Variants in TMTC1 observed in about 807,000 individuals in gnomAD.
TMTC1 encodes protein O-mannosyl-transferase TMTC1.
In TMTC1, 73 loss-of-function variants were observed where a neutral mutation model predicts 104.8. The ratio of observed to expected loss-of-function variants is 0.70; its 90% CI spans 0.58 to 0.85. TMTC1 has a LOEUF of 0.85. TMTC1 is among the 40% of genes least tolerant of loss of function. TMTC1 has a pLI of 0.00. For synonymous variants in TMTC1, 434 were observed against 428.7 expected (o/e 1.01, Z -0.15); for missense variants, 1,035 against 1,096.1 (o/e 0.94, Z 0.79).
chr12:29,681,668 C>T (rs1457645791), intron 5 of TMTC1, among the ~76,000 whole-genome samples: 5 of 151,830 alleles, frequency 3.3e-5, no homozygotes, highest in Non-Finnish European at 7.4e-5. Flanking sequence ...GCCCCTCCCC[C>T]TCCCACCCCC....
At chr12:29,732,704 T>G (rs1389045600) in intron 5 of TMTC1, among the ~76,000 whole-genome samples, 1 of 151,972 alleles carries the variant, frequency 6.6e-6, no homozygotes, top group Non-Finnish European at 1.5e-5. Context: ...TTATTAGCCA[T>G]GCTGAGGGGT....
intron 5 of TMTC1, among the ~76,000 whole-genome samples, chr12:29,670,530 G>T (rs146208588): frequency 1.3e-5 from 2 of 152,196 alleles, no homozygotes; most frequent in African/African-American, 2.4e-5. Context: ...TACCTCTCAC[G>T]GCATTTCCAA....
chr12:29,682,297 C>T (rs1490964373), intron 5 of TMTC1, among the ~76,000 whole-genome samples: 3 of 152,092 alleles, frequency 2.0e-5, no homozygotes, highest in East Asian at 1.9e-4. Context: ...CCTATATTAC[C>T]GTGAGTCACT....
At chr12:29,762,053 C>T (rs1171019637) in intron 2 of TMTC1, among the ~76,000 whole-genome samples, 1 of 152,078 alleles carries the variant, frequency 6.6e-6, no homozygotes, top group Admixed American at 6.5e-5. Flanking sequence ...CGGGTGTGCA[C>T]CTGTGGTCCC....
chr12:29,539,378 AATGCCTTG>A (rs1944731381), intron 10 of TMTC1, among the ~76,000 whole-genome samples: 1 of 151,862 alleles, frequency 6.6e-6, no homozygotes, highest in Non-Finnish European at 1.5e-5. Context: ...TTCGCTTGCT[AATGCCTTG>A]GTTCACACAT....
intron 5 of TMTC1, among the ~76,000 whole-genome samples, chr12:29,696,315 G>C (rs1404547900): frequency 6.6e-6 from 1 of 152,026 alleles, no homozygotes; most frequent in Non-Finnish European, 1.5e-5. Context: ...GGAAACAAAA[G>C]AATAATGTAT....
At chr12:29,508,507 A>G (rs1248237514) in intron 17 of TMTC1, among the ~76,000 whole-genome samples, 2 of 152,100 alleles carry the variant, frequency 1.3e-5, no homozygotes, top group African/African-American at 4.8e-5. Flanking sequence ...TTATTCTCTG[A>G]TCACCAGGCT....
At chr12:29,654,112 C>T (rs1214182166) in intron 5 of TMTC1, among the ~76,000 whole-genome samples, 5 of 152,062 alleles carry the variant, frequency 3.3e-5, no homozygotes, top group African/African-American at 4.8e-5. Flanking sequence ...AAATAAAAAA[C>T]TTACATGCTT....
intron 12 of TMTC1, chr12:29,519,212 AC>A (rs1252930196): frequency 6.6e-6 from 1 of 151,716 alleles, no homozygotes; most frequent in African/African-American, 2.4e-5. Context: ...ATTTTTAAAT[AC>A]TTACATTTGT....
intron 7 of TMTC1, among the ~76,000 whole-genome samples, chr12:29,591,616 C>T (rs1382813111): frequency 6.6e-6 from 1 of 152,206 alleles, no homozygotes; most frequent in African/African-American, 2.4e-5. Flanking sequence ...ATCTGACACT[C>T]AGAGACACCT....
At position 29,783,699 on chromosome 12, in the gene TMTC1, C is replaced by T. The variant is rs778881609; in HGVS notation, c.53G>A (p.Arg18Gln). The T allele has an allele frequency of 4.0e-6, 5 of 1,260,018 alleles. No individual in the cohort carries two copies. In the South Asian group the frequency reaches 9.5e-5, roughly 24 times the overall value. The allele number at this position is 1,260,018 out of a possible 1,614,324, so 78.1% of individuals were successfully genotyped here. A position where few individuals can be genotyped will look rare whatever the true frequency, so the allele number is the denominator to read the frequency against. The change falls in exon 1 of 18, where the codon CGG becomes CAG. Residue 18 changes from arginine to glutamine, a missense_variant. Arg to Gln is a conservative substitution (Grantham distance 43). Coordinates refer to ENST00000539277, the MANE Select transcript of TMTC1 (RefSeq NM_001193451.2). The surrounding 1 kb of genome is among the most constrained non-coding windows in gnomAD (Gnocchi z 4.7). ...RGGGGDRTPS[R>Q]RRGCGLAPAG... Reference sequence around the variant, plus strand: ...CGGCGCTAGCCCGCAGCCCCGCCGCCGGGAGGGTGTGCGGTCCCCGCCGCC... The same window carrying T: ...CGGCGCTAGCCCGCAGCCCCGCCGCTGGGAGGGTGTGCGGTCCCCGCCGCC...
At chr12:29,755,971 T>C in intron 3 of TMTC1, 86 bp from the exon 4 acceptor site, 1 of 1,316,738 alleles carries the variant, frequency 7.6e-7, no homozygotes, top group Non-Finnish European at 1.0e-6. Context: ...AGATCTAATG[T>C]CAATTTCATT....
At chr12:29,768,219 T>C in intron 1 of TMTC1, 144 bp from the exon 2 acceptor site, 1 of 701,626 alleles carries the variant, frequency 1.4e-6, no homozygotes, top group Non-Finnish European at 2.3e-6. Context: ...GGGTTATTTT[T>C]TAGCCTTGGG....
intron 7 of TMTC1, among the ~76,000 whole-genome samples, chr12:29,593,171 A>C (rs1946324730): frequency 6.6e-6 from 1 of 152,210 alleles, no homozygotes; most frequent in Non-Finnish European, 1.5e-5. Flanking sequence ...CTGTGGGCAC[A>C]GGACAATCTC....
chr12:29,600,463 C>T (rs1045082978), intron 7 of TMTC1, among the ~76,000 whole-genome samples: 1 of 152,188 alleles, frequency 6.6e-6, no homozygotes, highest in Admixed American at 6.5e-5. Context: ...TAATTTCCAA[C>T]TCATCCTGGA....
chr12:29,512,268 A>C, intron 16 of TMTC1, 148 bp from the exon 17 acceptor site: 1 of 574,058 alleles, frequency 1.7e-6, no homozygotes, highest in East Asian at 3.0e-5. Flanking sequence ...GCTTATTTCT[A>C]TTATTTTTCA....
At chr12:29,613,207 A>G (rs186912945) in intron 6 of TMTC1, among the ~76,000 whole-genome samples, 19 of 152,318 alleles carry the variant, frequency 1.2e-4, no homozygotes, top group Non-Finnish European at 2.4e-4. Context: ...ATATGTGTCC[A>G]TGTGCATTGA....
At chr12:29,653,910 C>A (rs1019780956) in intron 5 of TMTC1, among the ~76,000 whole-genome samples, 8 of 152,106 alleles carry the variant, frequency 5.3e-5, no homozygotes. Context: ...TATCAAAGCA[C>A]AATGTTTTAA....
intron 6 of TMTC1, among the ~76,000 whole-genome samples, chr12:29,610,208 C>G (rs1421854168): frequency 2.0e-5 from 3 of 152,158 alleles, no homozygotes; most frequent in African/African-American, 7.2e-5. Flanking sequence ...AAAAAAGGAT[C>G]GGAGCTCGGG....
Sources: allele counts gnomAD v4.1 joint callset (sites outside exome capture counted in the v4.1 genomes callset), GRCh38; gene constraint gnomAD v4.1.1; non-coding constraint Gnocchi (gnomAD v3.1); transcripts MANE v1.5; gene names NCBI Gene and HGNC (gene_info 2026-07-23, HGNC 2026-07-21).